The following RCAN2 variants were observed in gnomAD, a reference collection of about 807,000 sequenced individuals.
RCAN2 encodes the protein regulator of calcineurin 2, also known as calcipressin-2.
Under a neutral mutation model 23.6 loss-of-function variants are expected in RCAN2, and 9 were observed. The observed-to-expected ratio is 0.38, with a 90% confidence interval of 0.23 to 0.67. RCAN2 has a LOEUF of 0.67. Among genes scored for constraint, RCAN2 ranks in the 30% least tolerant of loss-of-function variants. The pLI is 0.51. For synonymous variants in RCAN2, 109 were observed against 115.7 expected (o/e 0.94, Z 0.37); for missense variants, 273 against 302.3 (o/e 0.90, Z 0.72).
intron 2 of RCAN2, among the ~76,000 whole-genome samples, chr6:46,446,096 G>T (rs750277428): frequency 7.1e-6 from 1 of 141,694 alleles, no homozygotes; most frequent in Non-Finnish European, 1.5e-5. Flanking sequence ...GCCCAAACAA[G>T]ATTACAATAA....
Position 46,351,398 on chromosome 6 carries a change from T to C in RCAN2, c.226-102502A>G, listed in dbSNP as rs368460308. Among the ~76,000 whole-genome samples the C allele has an allele frequency of 8.5e-4, 130 of 152,356 alleles. 2 individuals are homozygous for C. Among genetic ancestry groups the C allele is most frequent in the African/African-American group, 2.9e-3 (121 of 41,588 alleles). On this transcript the variant is annotated intron_variant, in intron 2 of 4. Coordinates refer to ENST00000371374, the MANE Select transcript of RCAN2 (RefSeq NM_001251974.2). ...AATGTTTCCAGCCTGGAATTAATCT[T>C]GTTATGATGGACTGCTGAAACCTAT...
intron 4 of RCAN2, among the ~76,000 whole-genome samples, chr6:46,230,427 G>T (rs1765842586): frequency 6.6e-6 from 1 of 152,234 alleles, no homozygotes; most frequent in Non-Finnish European, 1.5e-5. Flanking sequence ...GCTCCACCCA[G>T]TTTGAGCTTC....
chr6:46,229,004 T>G (rs367779547), intron 4 of RCAN2, among the ~76,000 whole-genome samples: 1 of 152,150 alleles, frequency 6.6e-6, no homozygotes, highest in African/African-American at 2.4e-5. Flanking sequence ...GTCTGTAAAG[T>G]ATTTTATTTC....
intron 2 of RCAN2, among the ~76,000 whole-genome samples, chr6:46,424,904 G>A (rs1033024110): frequency 5.3e-5 from 8 of 152,182 alleles, no homozygotes; most frequent in Admixed American, 2.0e-4. Flanking sequence ...GCTAGATACT[G>A]TTATAAGCCC....
chr6:46,316,987 G>T (rs1763461721), intron 2 of RCAN2, among the ~76,000 whole-genome samples: 1 of 152,132 alleles, frequency 6.6e-6, no homozygotes, highest in African/African-American at 2.4e-5. Context: ...AAAAAGCTGA[G>T]TTTTGTATAA....
At chr6:46,474,307 G>T (rs891328622) in intron 1 of RCAN2, among the ~76,000 whole-genome samples, 2 of 152,042 alleles carry the variant, frequency 1.3e-5, no homozygotes, top group African/African-American at 4.8e-5. Flanking sequence ...CATATTAAAA[G>T]AACTACAGGA....
intron 2 of RCAN2, among the ~76,000 whole-genome samples, chr6:46,350,614 T>C (rs1434939852): frequency 6.6e-6 from 1 of 152,212 alleles, no homozygotes; most frequent in African/African-American, 2.4e-5. Flanking sequence ...CTTTACATGC[T>C]GAGGCAAGCT....
chr6:46,368,350 T>C (rs912253425), intron 2 of RCAN2, among the ~76,000 whole-genome samples: 1 of 152,194 alleles, frequency 6.6e-6, no homozygotes, highest in South Asian at 2.1e-4. Flanking sequence ...AACTTGACTC[T>C]GGATGCTGAG....
At chr6:46,404,678 T>G (rs1260579903) in intron 2 of RCAN2, among the ~76,000 whole-genome samples, 1 of 152,206 alleles carries the variant, frequency 6.6e-6, no homozygotes, top group Non-Finnish European at 1.5e-5. Context: ...TACAAACAAA[T>G]TGCTGGATGC....
intron 2 of RCAN2, among the ~76,000 whole-genome samples, chr6:46,262,188 T>A (rs1321067288): frequency 1.3e-5 from 2 of 151,920 alleles, no homozygotes; most frequent in Non-Finnish European, 2.9e-5. Context: ...AATCTGCCAC[T>A]CATCCTATCA....
intron 2 of RCAN2, among the ~76,000 whole-genome samples, chr6:46,452,802 G>C (rs538047135): frequency 2.0e-5 from 3 of 152,246 alleles, no homozygotes; most frequent in South Asian, 2.1e-4. Flanking sequence ...TTAATAAATT[G>C]AATAAATACA....
chr6:46,227,305 ATTAG>A (rs1398042723), intron 4 of RCAN2, among the ~76,000 whole-genome samples: 1 of 152,178 alleles, frequency 6.6e-6, no homozygotes, highest in Non-Finnish European at 1.5e-5. Flanking sequence ...GCCTCATAAA[ATTAG>A]TTAGGGAGGA....
chr6:46,469,467 G>A (rs1768492309), intron 1 of RCAN2, among the ~76,000 whole-genome samples: 1 of 152,200 alleles, frequency 6.6e-6, no homozygotes, highest in South Asian at 2.1e-4. Context: ...TGGTAGCAAA[G>A]GGTAGTAAGA....
In RCAN2 at chr6:46,318,743, T is replaced by C. The variant is rs1159233578; in HGVS notation, c.226-69847A>G. 2.0e-5 allele frequency among the ~76,000 whole-genome samples: 3 copies of C among 152,176 alleles called. No individual in the cohort carries two copies. The South Asian group carries it at 6.2e-4, about 32-fold the overall frequency. On this transcript the variant is annotated intron_variant, in intron 2 of 4. Coordinates refer to ENST00000371374, the MANE Select transcript of RCAN2 (RefSeq NM_001251974.2). ...AAAAAAGAGAAATATATAGTAAATA[T>C]GCATGTTATACATACATTTGCACAT...
chr6:46,310,138 T>C (rs1582091022), intron 2 of RCAN2, among the ~76,000 whole-genome samples: 1 of 148,936 alleles, frequency 6.7e-6, no homozygotes, highest in East Asian at 1.9e-4. Flanking sequence ...TGTTTCTGAA[T>C]TTTCACTAAG....
rs3084618 is a variant in RCAN2 at position 46,343,375 on chromosome 6, AT to A, written c.226-94480del. On this transcript the variant is annotated intron_variant, in intron 2 of 4. Coordinates refer to ENST00000371374, the MANE Select transcript of RCAN2 (RefSeq NM_001251974.2). ...AATGGTATAGCCACTTGGGAAAACA[AT>A]TTTTTTTTTTTTTTTTTGAGACAGA... Among the ~76,000 whole-genome samples the A allele has an allele frequency of 3.7e-3, 505 of 135,652 alleles. 1 individual carries two copies. Among genetic ancestry groups the A allele is most frequent in the African/African-American group, 6.2e-3 (235 of 37,672 alleles). 89.0% of individuals were successfully genotyped at this position (135,652 alleles called of 152,430 possible).
Position 46,375,772 on chromosome 6 carries a change from G to A in RCAN2, c.225+80980C>T, listed in dbSNP as rs114566868. Among the ~76,000 whole-genome samples the A allele has an allele frequency of 2.8e-3, 424 of 152,330 alleles. 3 individuals are homozygous for A. Among genetic ancestry groups the A allele is most frequent in the African/African-American group, 9.3e-3 (388 of 41,584 alleles). On this transcript the variant is annotated intron_variant, in intron 2 of 4. Coordinates refer to ENST00000371374, the MANE Select transcript of RCAN2 (RefSeq NM_001251974.2). ...AACCATGGACAATATATAAAAGAAT[G>A]AGTGTGGCTCTGTTCCAATAAAACT... is the stretch of plus-strand genomic sequence containing the variant.
At chr6:46,330,791 C>T (rs2150366817) in intron 2 of RCAN2, among the ~76,000 whole-genome samples, 1 of 152,156 alleles carries the variant, frequency 6.6e-6, no homozygotes, top group African/African-American at 2.4e-5. Flanking sequence ...GTGATGAAGC[C>T]ATGTTATTTG....
chr6:46,454,520 C>G (rs1025218623), intron 2 of RCAN2, among the ~76,000 whole-genome samples: 1 of 151,576 alleles, frequency 6.6e-6, no homozygotes, highest in Non-Finnish European at 1.5e-5. Flanking sequence ...AAAGACTGTC[C>G]ACAAAAGGAA....
Sources: gnomAD v4.1 joint callset for allele counts (sites outside exome capture counted in the v4.1 genomes callset) on GRCh38, gnomAD v4.1.1 for gene constraint, MANE v1.5 for transcripts, NCBI Gene and HGNC (gene_info 2026-07-23, HGNC 2026-07-21) for gene names.